Variants in SLC9A9 observed in about 807,000 individuals in gnomAD.
The protein encoded by SLC9A9 is solute carrier family 9 member A9, also known as sodium/hydrogen exchanger 9.
Under a neutral mutation model 77.8 loss-of-function variants are expected in SLC9A9, and 62 were observed. The ratio of observed to expected loss-of-function variants is 0.80; its 90% CI spans 0.65 to 0.98. SLC9A9 has a LOEUF of 0.98. Ranked by LOEUF, SLC9A9 falls within the 50% of genes least tolerant of loss-of-function variation. The pLI, the probability that SLC9A9 is intolerant of heterozygous loss-of-function variation, is 0.00. For synonymous variants in SLC9A9, 320 were observed against 283.5 expected (o/e 1.13, Z -1.29); for missense variants, 775 against 774.9 (o/e 1.00, Z 0.00).
At chr3:143,801,042 C>T (rs1193587832) in intron 2 of SLC9A9, among the ~76,000 whole-genome samples, 1 of 152,212 alleles carries the variant, frequency 6.6e-6, no homozygotes, top group Admixed American at 6.5e-5. Context: ...TCCTAACAAA[C>T]CCATTATGTA....
chr3:143,720,202 A>G (rs1181553245), intron 4 of SLC9A9, among the ~76,000 whole-genome samples: 5 of 151,636 alleles, frequency 3.3e-5, no homozygotes, highest in Admixed American at 2.6e-4. Flanking sequence ...TAAGATGCAT[A>G]TATGTACATG....
intron 2 of SLC9A9, among the ~76,000 whole-genome samples, chr3:143,806,740 G>GGA (rs1553724413): frequency 4.0e-5 from 6 of 151,588 alleles, no homozygotes; most frequent in Non-Finnish European, 5.9e-5. Context: ...GTGGTGGTGG[G>GGA]GGGGGCAAGT....
rs1301299162 is a variant in SLC9A9, at chr3:143,554,286, G to A, written c.1001-1836C>T. 3.9e-5 allele frequency among the ~76,000 whole-genome samples: 6 copies of A among 152,300 alleles called. No homozygotes were observed. The East Asian group carries it at 1.2e-3, about 29-fold the overall frequency. ...TTTAATTTACATCTTCTTATTTACT[G>A]CAGTGAGTTACTATCTCACAACAGG... On this transcript the variant is annotated intron_variant, in intron 8 of 15. Coordinates refer to ENST00000316549, the MANE Select transcript of SLC9A9 (RefSeq NM_173653.4).
intron 14 of SLC9A9, among the ~76,000 whole-genome samples, chr3:143,332,890 T>G (rs2031818365): frequency 6.6e-6 from 1 of 152,222 alleles, no homozygotes. Flanking sequence ...TCTATAGATA[T>G]TTAATCCACC....
intron 4 of SLC9A9, among the ~76,000 whole-genome samples, chr3:143,761,323 A>C (rs561188535): frequency 3.9e-4 from 59 of 152,328 alleles, no homozygotes; most frequent in African/African-American, 1.4e-3. Context: ...CATGGCAACA[A>C]AAGCCAAAAT....
rs879908969 is a variant in SLC9A9, at chr3:143,649,924, GACACACTTCAAGTACAT to G, written c.755+2314_755+2330del. ...AAGAGATTTTCATTTGTTCTTCTAA[GACACACTTCAAGTACAT>G]AGAGTCTGCTTTCAAAAAGTTGCTA... On this transcript the variant is annotated intron_variant, in intron 6 of 15. Coordinates refer to ENST00000316549, the MANE Select transcript of SLC9A9 (RefSeq NM_173653.4). Among the ~76,000 whole-genome samples the G allele has an allele frequency of 2.4e-3, 367 of 152,314 alleles. 1 individual carries two copies. The highest frequency in any genetic ancestry group is 4.6e-3 in the Non-Finnish European group (314 of 68,016).
chr3:143,368,496 G>T (rs1013433991), intron 13 of SLC9A9, among the ~76,000 whole-genome samples: 2 of 152,212 alleles, frequency 1.3e-5, no homozygotes, highest in African/African-American at 4.8e-5. Context: ...ATACGGGATT[G>T]CTCCTCATTT....
intron 12 of SLC9A9, among the ~76,000 whole-genome samples, chr3:143,427,014 AT>A (rs1422398420): frequency 3.9e-5 from 6 of 152,368 alleles, no homozygotes; most frequent in African/African-American, 1.2e-4. Flanking sequence ...TCTACAAGGC[AT>A]TATTGTGACT....
intron 12 of SLC9A9, among the ~76,000 whole-genome samples, chr3:143,421,257 G>A (rs2034292040): frequency 6.6e-6 from 1 of 152,074 alleles, no homozygotes; most frequent in African/African-American, 2.4e-5. Flanking sequence ...CATAGAATTA[G>A]GAAAAACTAT....
At chr3:143,491,602 A>G (rs2035747273) in intron 11 of SLC9A9, among the ~76,000 whole-genome samples, 1 of 152,164 alleles carries the variant, frequency 6.6e-6, no homozygotes, top group Admixed American at 6.5e-5. Context: ...ATTGGCCTCT[A>G]CCAGGTTTTA....
At chr3:143,532,446 A>G (rs1335003016) in intron 9 of SLC9A9, among the ~76,000 whole-genome samples, 6 of 152,178 alleles carry the variant, frequency 3.9e-5, no homozygotes, top group African/African-American at 1.4e-4. Flanking sequence ...ATTATAGTAT[A>G]ATCACTTTTT....
chr3:143,623,663 G>A (rs1451694101), intron 6 of SLC9A9, among the ~76,000 whole-genome samples: 1 of 152,066 alleles, frequency 6.6e-6, no homozygotes, highest in African/African-American at 2.4e-5. Context: ...GAGAAAGCAG[G>A]AAAGATCTAA....
At chr3:143,624,813 G>A (rs965981408) in intron 6 of SLC9A9, among the ~76,000 whole-genome samples, 37 of 152,158 alleles carry the variant, frequency 2.4e-4, no homozygotes, top group African/African-American at 8.4e-4. Context: ...TTAGGAAGAG[G>A]AAATCAAATT....
chr3:143,392,686 G>T (rs1044972346), intron 12 of SLC9A9, among the ~76,000 whole-genome samples: 1 of 152,190 alleles, frequency 6.6e-6, no homozygotes, highest in South Asian at 2.1e-4. Context: ...ACCCATCAGT[G>T]TGCTGTATTC....
chr3:143,673,302 G>T (rs2039188331), intron 5 of SLC9A9, among the ~76,000 whole-genome samples: 1 of 152,178 alleles, frequency 6.6e-6, no homozygotes, highest in African/African-American at 2.4e-5. Flanking sequence ...TAGGAGCCCT[G>T]CAGGATGAGA....
chr3:143,497,786 C>T (rs1226013134), intron 9 of SLC9A9, among the ~76,000 whole-genome samples: 1 of 152,132 alleles, frequency 6.6e-6, no homozygotes, highest in East Asian at 1.9e-4. Context: ...CAAAACAAAA[C>T]ACTTTTTCAC....
At chr3:143,820,150 G>A (rs9822444) in intron 2 of SLC9A9, among the ~76,000 whole-genome samples, 82,964 of 152,098 alleles carry the variant, frequency 0.55, 25,985 homozygotes, top group Non-Finnish European at 0.69. Flanking sequence ...TTGAAGCATA[G>A]GATGGTTAAT....
intron 12 of SLC9A9, among the ~76,000 whole-genome samples, chr3:143,398,966 TTAA>T (rs1386721503): frequency 5.3e-5 from 8 of 151,512 alleles, no homozygotes; most frequent in African/African-American, 1.9e-4. Context: ...CCAGATGCTA[TTAA>T]TAATAAATTC....
At chr3:143,689,300 A>G (rs1933380053) in intron 5 of SLC9A9, among the ~76,000 whole-genome samples, 1 of 152,182 alleles carries the variant, frequency 6.6e-6, no homozygotes, top group Non-Finnish European at 1.5e-5. Flanking sequence ...TCAACACCAT[A>G]CATAATTGCA....
Sources: allele counts gnomAD v4.1 joint callset (sites outside exome capture counted in the v4.1 genomes callset), GRCh38; gene constraint gnomAD v4.1.1; transcripts MANE v1.5; gene names NCBI Gene and HGNC (gene_info 2026-07-23, HGNC 2026-07-21).